Variants in REDIC1 observed in about 807,000 individuals in gnomAD.
The protein encoded by REDIC1 is HEI10 Interacting Protein 1.
the REDIC1 span, among the ~76,000 whole-genome samples, chr12:39,825,170 A>C: frequency 6.6e-6 from 1 of 152,206 alleles, no homozygotes; most frequent in Non-Finnish European, 1.5e-5. Context: ...CAAATACTGA[A>C]TCAGCGCATT....
the REDIC1 span, chr12:39,684,990 T>A: frequency 5.0e-5 from 58 of 1,154,500 alleles, no homozygotes; most frequent in Middle Eastern, 4.0e-4. Flanking sequence ...ATCACATTAC[T>A]GTATTTAACG....
At chr12:39,900,505 T>C in the REDIC1 span, among the ~76,000 whole-genome samples, 3 of 151,968 alleles carry the variant, frequency 2.0e-5, no homozygotes, top group Non-Finnish European at 4.4e-5. Flanking sequence ...GGATACAAAA[T>C]CAATGTGCAA....
the REDIC1 span, among the ~76,000 whole-genome samples, chr12:39,636,237 G>A: frequency 1.3e-5 from 2 of 152,048 alleles, no homozygotes; most frequent in Non-Finnish European, 2.9e-5. Flanking sequence ...TTCGGTCTCC[G>A]AGAACTTATT....
the REDIC1 span, among the ~76,000 whole-genome samples, chr12:39,790,050 C>T: frequency 1.3e-5 from 2 of 150,828 alleles, no homozygotes; most frequent in Non-Finnish European, 2.9e-5. Context: ...TTATTTAACC[C>T]AATATATCCT....
the REDIC1 span, chr12:39,864,820 G>T: frequency 6.2e-7 from 1 of 1,613,982 alleles, no homozygotes; most frequent in South Asian, 1.1e-5. Context: ...AAAGTGATGC[G>T]TGGGGAAACT....
the REDIC1 span, among the ~76,000 whole-genome samples, chr12:39,845,605 G>A: frequency 6.6e-6 from 1 of 152,104 alleles, no homozygotes; most frequent in East Asian, 1.9e-4. Flanking sequence ...ATCAGCCCCT[G>A]GAGCCCCAGA....
the REDIC1 span, chr12:39,830,223 C>G: frequency 6.2e-7 from 1 of 1,612,040 alleles, no homozygotes; most frequent in South Asian, 1.1e-5. Context: ...ACATTCATTA[C>G]AGTAACTGAA....
chr12:39,880,775 C>T, the REDIC1 span, among the ~76,000 whole-genome samples: 14 of 152,216 alleles, frequency 9.2e-5, no homozygotes, highest in East Asian at 1.9e-4. Flanking sequence ...ATACCTCTGG[C>T]GGCCTCAGGA....
At chr12:39,798,163 G>A in the REDIC1 span, among the ~76,000 whole-genome samples, 1 of 152,182 alleles carries the variant, frequency 6.6e-6, no homozygotes, top group Non-Finnish European at 1.5e-5. Context: ...ATTAAGGCCT[G>A]TCGGACAACA....
At chr12:39,653,634 G>A in the REDIC1 span, among the ~76,000 whole-genome samples, 1 of 144,588 alleles carries the variant, frequency 6.9e-6, no homozygotes, top group Admixed American at 7.0e-5. Flanking sequence ...TGTGATCTTA[G>A]CCAAAAGGCC....
At chr12:39,645,994 T>C in the REDIC1 span, among the ~76,000 whole-genome samples, 1 of 152,000 alleles carries the variant, frequency 6.6e-6, no homozygotes, top group Non-Finnish European at 1.5e-5. Context: ...TAGGTGAAAG[T>C]ACTGACCAGA....
the REDIC1 span, among the ~76,000 whole-genome samples, chr12:39,703,758 C>A: frequency 6.6e-6 from 1 of 151,970 alleles, no homozygotes; most frequent in African/African-American, 2.4e-5. Context: ...CAGAACAGAG[C>A]CCTCAGTAAT....
the REDIC1 span, chr12:39,716,852 G>T: frequency 2.6e-6 from 4 of 1,545,208 alleles, no homozygotes; most frequent in African/African-American, 5.6e-5. Flanking sequence ...AGTGATGCTT[G>T]TTTCACTTAT....
chr12:39,650,728 C>G, the REDIC1 span, among the ~76,000 whole-genome samples: 3 of 152,140 alleles, frequency 2.0e-5, no homozygotes, highest in Non-Finnish European at 4.4e-5. This position sits in a 1 kb window ranked among gnomAD's most constrained non-coding sequence, Gnocchi z 4.3. Context: ...TGTGCCACCA[C>G]AGCCAATTGG....
the REDIC1 span, among the ~76,000 whole-genome samples, chr12:39,668,444 T>C: frequency 6.6e-6 from 1 of 152,230 alleles, no homozygotes; most frequent in African/African-American, 2.4e-5. Flanking sequence ...CAGCTCTTAG[T>C]CTGATGGGCT....
At chr12:39,793,836 C>A in the REDIC1 span, among the ~76,000 whole-genome samples, 2 of 151,986 alleles carry the variant, frequency 1.3e-5, no homozygotes, top group Non-Finnish European at 2.9e-5. Context: ...AATAAATGAT[C>A]CCAGAACATT....
chr12:39,868,350 T>C, the REDIC1 span, among the ~76,000 whole-genome samples: 347 of 152,320 alleles, frequency 2.3e-3, 1 homozygote, highest in South Asian at 1.4e-3. Flanking sequence ...ATATCTATTG[T>C]AATAATCAGT....
chr12:39,626,976 A>G, the REDIC1 span, among the ~76,000 whole-genome samples: 1 of 152,202 alleles, frequency 6.6e-6, no homozygotes, highest in Non-Finnish European at 1.5e-5. Context: ...ATTCATTGTT[A>G]TTGACCTTAA....
At chr12:39,789,749 G>C in the REDIC1 span, among the ~76,000 whole-genome samples, 1 of 152,082 alleles carries the variant, frequency 6.6e-6, no homozygotes, top group Non-Finnish European at 1.5e-5. Flanking sequence ...GATAAAAATG[G>C]TATGCCAATA....
Sources: allele counts gnomAD v4.1 joint callset (sites outside exome capture counted in the v4.1 genomes callset), GRCh38; gene constraint gnomAD v4.1.1; non-coding constraint Gnocchi (gnomAD v3.1); transcripts MANE v1.5; gene names NCBI Gene and HGNC (gene_info 2026-07-23, HGNC 2026-07-21).